The following OVCH1 variants were observed in gnomAD, a reference collection of about 807,000 sequenced individuals.
OVCH1 encodes the protein ovochymase-1.
Under a neutral mutation model 138.4 loss-of-function variants are expected in OVCH1, and 139 were observed. That is an observed-to-expected ratio of 1.00 (90% CI 0.87 to 1.16). The LOEUF (loss-of-function observed/expected upper bound fraction) is 1.16, where lower values mean the gene tolerates loss of function less well. Among genes scored for constraint, OVCH1 ranks in the 50% most tolerant of loss-of-function variants. The probability of loss-of-function intolerance (pLI) is 0.00; values close to 1 mark genes in which losing one functional copy is unlikely to be tolerated. For missense variants in OVCH1, 1,367 were observed against 1,357.9 expected, an observed-to-expected ratio of 1.01 and a Z score of -0.11; for synonymous variants, 453 against 467.8, an observed-to-expected ratio of 0.97 and a Z score of 0.41.
At chr12:29,405,536 C>G in the OVCH1 span, among the ~76,000 whole-genome samples, 2 of 152,178 alleles carry the variant, frequency 1.3e-5, no homozygotes, top group African/African-American at 4.8e-5. Flanking sequence ...GGATTGCAGA[C>G]TCTTAGGGGT....
chr12:29,496,268 T>G (rs887278140), exon 3 of OVCH1: 27 of 1,603,852 alleles, frequency 1.7e-5, no homozygotes, highest in Non-Finnish European at 2.2e-5. Flanking sequence ...CTCATCTGAT[T>G]TTAGGGAGAC....
Position 29,435,596 on chromosome 12 carries a change from C to T in OVCH1, c.3265-1783G>A, listed in dbSNP as rs1941344387. 2.0e-5 allele frequency among the ~76,000 whole-genome samples: 3 copies of T among 152,034 alleles called. No homozygotes were observed. The South Asian group carries it at 6.2e-4, about 32-fold the overall frequency. The stretch of plus-strand genomic sequence containing the variant: ...GTCTTGATCTCCTGACCCCGTGATC[C>T]GCCCACCTCGGCCTCCCAAAGTGCT... On this transcript the variant is annotated intron_variant, in intron 26 of 27. Transcript: ENST00000318184.
At chr12:29,455,538 C>T (rs1283330246) in intron 19 of OVCH1, 133 bp from the exon 20 acceptor site, 6 of 1,067,686 alleles carry the variant, frequency 5.6e-6, no homozygotes, top group Middle Eastern at 2.8e-4. Flanking sequence ...TTGTCAATTT[C>T]CATCTTTACA....
In OVCH1 at chr12:29,451,573, C is replaced by G. The variant is rs1468405552; in HGVS notation, c.2531-4G>C. ...AGCTCTGCTTCAGAGCAACAACCTG[C>G]AATTCAGAACACACAGACACCAGGG... On this transcript the variant is annotated splice_polypyrimidine_tract_variant and splice_region_variant and intron_variant, in intron 21 of 27. Coordinates refer to ENST00000318184, the Ensembl canonical transcript of OVCH1. 1.2e-6 allele frequency: 2 copies of G among 1,602,420 alleles called. No homozygotes were observed. Among genetic ancestry groups the G allele is most frequent in the Non-Finnish European group, 1.7e-6 (2 of 1,173,030 alleles).
At chr12:29,485,393 C>G (rs1173552156) in intron 8 of OVCH1, among the ~76,000 whole-genome samples, 1 of 150,054 alleles carries the variant, frequency 6.7e-6, no homozygotes, top group Non-Finnish European at 1.5e-5. Flanking sequence ...CCAGCACCAG[C>G]ACTTTGGGAG....
exon 6 of OVCH1, chr12:29,489,714 G>C: frequency 6.2e-7 from 1 of 1,610,360 alleles, no homozygotes; most frequent in Non-Finnish European, 8.5e-7. Context: ...AGTATTACAC[G>C]CTCTGTCATC....
intron 18 of OVCH1, among the ~76,000 whole-genome samples, chr12:29,463,053 A>G (rs1461566055): frequency 1.3e-5 from 2 of 152,202 alleles, no homozygotes; most frequent in Admixed American, 6.5e-5. Context: ...GAGAGCAGGC[A>G]CATTTATTCA....
exon 20 of OVCH1, chr12:29,455,316 C>G: frequency 6.2e-7 from 1 of 1,613,916 alleles, no homozygotes; most frequent in Non-Finnish European, 8.5e-7. Context: ...GCTTCCATGG[C>G]TGGACACAGC....
exon 22 of OVCH1, chr12:29,451,555 C>T (rs1592055499): frequency 6.2e-7 from 1 of 1,610,370 alleles, no homozygotes; most frequent in Non-Finnish European, 8.5e-7. Flanking sequence ...TCTAGCTCTG[C>T]TTCAGAGCAA....
At chr12:29,405,040 A>AAC in the OVCH1 span, among the ~76,000 whole-genome samples, 1 of 148,896 alleles carries the variant, frequency 6.7e-6, no homozygotes, top group South Asian at 2.1e-4. Flanking sequence ...AAAAAAAAAA[A>AAC]AAAAAAAAAA....
At position 29,448,899 on chromosome 12, in the gene OVCH1, A is replaced by G. The variant is rs1051677842; in HGVS notation, c.2755+2446T>C. ...CACACATGGACAATGACATACACAA[A>G]TTTATTTTCTTTCCAGATTTCCCCA... On this transcript the variant is annotated intron_variant, in intron 22 of 27. Coordinates refer to ENST00000318184, the Ensembl canonical transcript of OVCH1. 5.3e-5 allele frequency among the ~76,000 whole-genome samples: 8 copies of G among 152,074 alleles called. 1 individual carries two copies. The South Asian group carries it at 8.3e-4, about 16-fold the overall frequency.
At chr12:29,456,766 T>C (rs773115216) in intron 19 of OVCH1, among the ~76,000 whole-genome samples, 1 of 152,234 alleles carries the variant, frequency 6.6e-6, no homozygotes, top group Non-Finnish European at 1.5e-5. Flanking sequence ...CTAGGAAACC[T>C]ACCACAATAT....
chr12:29,412,568 A>G (rs905072528), intron 4 of OVCH1: 1 of 152,170 alleles, frequency 6.6e-6, no homozygotes, highest in African/African-American at 2.4e-5. Flanking sequence ...AACAGAGTAC[A>G]CTTAGATGTC....
the OVCH1 span, among the ~76,000 whole-genome samples, chr12:29,407,388 A>G: frequency 8.1e-3 from 1,172 of 145,010 alleles, 16 homozygotes; most frequent in African/African-American, 0.027. Flanking sequence ...GCCCATGCCT[A>G]TGTACTGAAT....
exon 28 of OVCH1, chr12:29,427,626 C>A (rs1941200391): frequency 6.4e-7 from 1 of 1,551,158 alleles, no homozygotes; most frequent in Non-Finnish European, 8.7e-7. Context: ...CACCTGGATC[C>A]TGGACTTCTC....
In OVCH1 at chr12:29,446,761, A is replaced by G. The variant is rs530981808; in HGVS notation, c.2756-1358T>C. Among the ~76,000 whole-genome samples the G allele has an allele frequency of 2.0e-5, 3 of 152,144 alleles. 1 individual carries two copies. Among genetic ancestry groups the G allele is most frequent in the African/African-American group, 7.2e-5 (3 of 41,560 alleles). ...GAAAAAGACTTTTTTCTTTTAAAGG[A>G]AGCAGGTATAGAGTCACTTTGCCAT... is the stretch of plus-strand genomic sequence containing the variant. On this transcript the variant is annotated intron_variant, in intron 22 of 27. Transcript: ENST00000318184.
At chr12:29,465,664 C>G (rs1322786124) in intron 16 of OVCH1, among the ~76,000 whole-genome samples, 6 of 152,166 alleles carry the variant, frequency 3.9e-5, no homozygotes, top group East Asian at 1.9e-4. Flanking sequence ...GCCTTCTGAT[C>G]TATGTGAAAA....
chr12:29,465,096 G>A, intron 17 of OVCH1, 51 bp downstream of exon 17: 1 of 1,467,646 alleles, frequency 6.8e-7, no homozygotes, highest in Non-Finnish European at 9.3e-7. Context: ...TCCTTGGCAT[G>A]TGACAACATT....
At chr12:29,417,513 G>C (rs1458402605) in intron 3 of OVCH1, among the ~76,000 whole-genome samples, 1 of 146,294 alleles carries the variant, frequency 6.8e-6, no homozygotes, top group Non-Finnish European at 1.5e-5. Flanking sequence ...TGGGGTGATT[G>C]ATAGAAATGT....
Sources: gnomAD v4.1 joint callset for allele counts (sites outside exome capture counted in the v4.1 genomes callset) on GRCh38, gnomAD v4.1.1 for gene constraint, MANE v1.5 for transcripts, NCBI Gene and HGNC (gene_info 2026-07-23, HGNC 2026-07-21) for gene names.